The following DNAH7 variants were observed in gnomAD, a reference collection of about 807,000 sequenced individuals.
DNAH7 encodes the protein axonemal beta dynein heavy chain 7.
A neutral mutation model predicts 444.6 loss-of-function variants in DNAH7; 397 were observed. That is an observed-to-expected ratio of 0.89 (90% CI 0.82 to 0.97). The LOEUF is 0.97. DNAH7 is among the 50% of genes least tolerant of loss of function. The pLI is 0.00. For missense variants in DNAH7, 4,902 were observed against 4,800.8 expected, an observed-to-expected ratio of 1.02 and a Z score of -0.62; for synonymous variants, 1,636 against 1,624.4, an observed-to-expected ratio of 1.01 and a Z score of -0.17.
chr2:195,751,659 A>G (rs1175658841), intron 63 of DNAH7, among the ~76,000 whole-genome samples: 1 of 152,204 alleles, frequency 6.6e-6, no homozygotes, highest in African/African-American at 2.4e-5. Context: ...GATCCCAAAG[A>G]GAAAAGAACA....
At chr2:195,743,913 C>G (rs2105883031) in intron 63 of DNAH7, among the ~76,000 whole-genome samples, 1 of 152,360 alleles carries the variant, frequency 6.6e-6, no homozygotes, top group East Asian at 1.9e-4. Context: ...CAGCTCCAGT[C>G]TACAGCTCCC....
At position 195,900,454 on chromosome 2, in the gene DNAH7, G is replaced by T. The variant is rs529898730; in HGVS notation, c.4376C>A (p.Ala1459Asp). ...GTATAGGACTATTTCAGCAATCATGGCATAGTCAGGTACCATCATTGCTAC... is the reference window on the plus strand; with the variant it reads ...GTATAGGACTATTTCAGCAATCATGTCATAGTCAGGTACCATCATTGCTAC... ...RTVAMMVPDY[A>D]MIAEIVLYSC... The change falls in exon 28 of 65, where the codon GCC becomes GAC. Residue 1459 changes from alanine to aspartate, a missense_variant. Coordinates refer to ENST00000312428, the MANE Select transcript of DNAH7 (RefSeq NM_018897.3). The T allele has an allele frequency of 2.1e-5, 34 of 1,613,920 alleles. No individual in the cohort carries two copies. In the East Asian group the frequency reaches 6.0e-4, roughly 29 times the overall value.
At chr2:195,852,987 C>A (rs1699475990) in intron 46 of DNAH7, among the ~76,000 whole-genome samples, 1 of 151,090 alleles carries the variant, frequency 6.6e-6, no homozygotes, top group Non-Finnish European at 1.5e-5. Context: ...TGCTTAGGAA[C>A]TGAGATGTTA....
intron 64 of DNAH7, among the ~76,000 whole-genome samples, chr2:195,739,993 T>G (rs764898376): frequency 1.3e-5 from 2 of 152,156 alleles, no homozygotes; most frequent in Non-Finnish European, 2.9e-5. Flanking sequence ...TTGTTTTGTT[T>G]TGTTTTGGAG....
intron 12 of DNAH7, among the ~76,000 whole-genome samples, chr2:195,992,875 CT>C (rs1190397104): frequency 3.3e-5 from 5 of 152,228 alleles, no homozygotes; most frequent in African/African-American, 4.8e-5. Context: ...GTTCTACATC[CT>C]GGCTTTCCTT....
chr2:196,057,906 G>T (rs949824815), intron 2 of DNAH7, 148 bp downstream of exon 2: 6 of 606,090 alleles, frequency 9.9e-6, no homozygotes, highest in Non-Finnish European at 1.6e-5. Flanking sequence ...GTACCTCACA[G>T]AATTCCTCCA....
chr2:195,984,492 C>T (rs965142399), intron 15 of DNAH7, 140 bp downstream of exon 15: 35 of 783,414 alleles, frequency 4.5e-5, no homozygotes, highest in South Asian at 3.8e-5. Context: ...GGACTACAGG[C>T]GCATGCCACC....
At chr2:195,919,674 T>G (rs1687906831) in intron 24 of DNAH7, among the ~76,000 whole-genome samples, 1 of 152,136 alleles carries the variant, frequency 6.6e-6, no homozygotes, top group South Asian at 2.1e-4. Flanking sequence ...AGGAAGAGAA[T>G]TAAATAAATA....
intron 24 of DNAH7, among the ~76,000 whole-genome samples, chr2:195,919,409 A>G (rs1054002317): frequency 6.6e-6 from 1 of 152,204 alleles, no homozygotes; most frequent in African/African-American, 2.4e-5. Flanking sequence ...CAGTGGCACA[A>G]TCTCGGCTCA....
At chr2:195,978,883 A>G (rs1028210488) in intron 15 of DNAH7, among the ~76,000 whole-genome samples, 14 of 152,314 alleles carry the variant, frequency 9.2e-5, no homozygotes, top group African/African-American at 3.4e-4. Flanking sequence ...TAATAATTGA[A>G]GATATATAGG....
At position 196,068,774 on chromosome 2, in the gene DNAH7, G is replaced by A; in HGVS notation, c.-63C>T. On this transcript the variant is annotated 5_prime_UTR_variant, in exon 1 of 65. Coordinates refer to ENST00000312428, the MANE Select transcript of DNAH7 (RefSeq NM_018897.3). ...GTTGCTCCTGCCCGCGGAACCCCTA[G>A]GACGATAGAGGCAGGGCCCCGGGAC... 6.5e-7 allele frequency: 1 copy of A among 1,543,668 alleles called. No homozygotes were observed. Among genetic ancestry groups the A allele is most frequent in the Non-Finnish European group, 8.7e-7 (1 of 1,143,390 alleles).
chr2:195,974,806 G>A (rs1692076675), intron 15 of DNAH7, among the ~76,000 whole-genome samples: 1 of 140,732 alleles, frequency 7.1e-6, no homozygotes, highest in Non-Finnish European at 1.5e-5. Flanking sequence ...AGTCACATAT[G>A]AAGGACCTCA....
intron 20 of DNAH7, among the ~76,000 whole-genome samples, chr2:195,935,059 T>C (rs1688958179): frequency 6.6e-6 from 1 of 152,170 alleles, no homozygotes; most frequent in African/African-American, 2.4e-5. Flanking sequence ...ACCACGAGGC[T>C]TTGTCTTCAA....
At chr2:195,960,114 G>C (rs1331542824) in intron 18 of DNAH7, 146 bp downstream of exon 18, 1 of 670,398 alleles carries the variant, frequency 1.5e-6, no homozygotes, top group Non-Finnish European at 2.4e-6. Context: ...GAAATGCTAA[G>C]TATGAAATGC....
chr2:195,747,405 A>G (rs1356080796), intron 63 of DNAH7, among the ~76,000 whole-genome samples: 1 of 152,250 alleles, frequency 6.6e-6, no homozygotes. Context: ...ATTCTACCAG[A>G]GGCACAAGGA....
rs376444970 is a variant in DNAH7, at chr2:195,972,391, C to A, written c.1909G>T (p.Ala637Ser). Residue 637 changes from alanine (A) to serine (S), a missense_variant, in exon 16 of 65, where the codon GCC becomes TCC. By Grantham distance (99) the Ala-to-Ser change is moderately conservative (BLOSUM62 1). Transcript: ENST00000312428. ...AAGTTGACATACTCGATGAGGAAGG[C>A]GAGGCAGTTTTTGGAATCCACTAAT... ...QRLVDSKNCL[A>S]FLIEYVNFSP... The A allele has an allele frequency of 6.2e-7, 1 of 1,614,014 alleles. No homozygotes were observed. Among genetic ancestry groups the A allele is most frequent in the Non-Finnish European group, 8.5e-7 (1 of 1,179,998 alleles).
intron 14 of DNAH7, among the ~76,000 whole-genome samples, chr2:195,986,085 A>C (rs891975258): frequency 1.3e-5 from 2 of 152,122 alleles, no homozygotes; most frequent in Non-Finnish European, 2.9e-5. Flanking sequence ...CTTCCTTCAA[A>C]ATAAAATTCA....
At position 195,960,595 on chromosome 2, in the gene DNAH7, C is replaced by T. The variant is rs984350184; in HGVS notation, c.2556G>A (p.Arg852=). ...QVICNPGLRP[R]HWEAMSAIVG... The stretch of plus-strand genomic sequence containing the variant: ...CAATGGCAGACATGGCCTCCCAGTG[C>T]CTGGGGCGCAAACCAGGATTACAGA... The change falls in exon 18 of 65, where the codon AGG becomes AGA. Residue 852 remains arginine (R), a synonymous_variant. Transcript: ENST00000312428. 12 of 1,614,196 alleles carry T rather than the reference C, an allele frequency of 7.4e-6. No individual in the cohort carries two copies. The highest frequency in any genetic ancestry group is 1.0e-5 in the Non-Finnish European group (12 of 1,180,024).
chr2:195,802,449 G>A (rs1191969947), intron 54 of DNAH7, among the ~76,000 whole-genome samples: 2 of 152,120 alleles, frequency 1.3e-5, no homozygotes, highest in African/African-American at 2.4e-5. Context: ...GCAATGAGTC[G>A]AGATTATGCC....
Sources: allele counts gnomAD v4.1 joint callset (sites outside exome capture counted in the v4.1 genomes callset), GRCh38; gene constraint gnomAD v4.1.1; transcripts MANE v1.5; gene names NCBI Gene and HGNC (gene_info 2026-07-23, HGNC 2026-07-21).